Variants in EPCIP observed in about 807,000 individuals in gnomAD.
EPCIP encodes the protein exosomal polycystin-1-interacting protein.
At chr21:32,794,567 G>C in the EPCIP span, 1 of 749,596 alleles carries the variant, frequency 1.3e-6, no homozygotes, top group East Asian at 2.7e-5. Context: ...AAAAAAACAA[G>C]TTGTAAACAT....
At chr21:32,810,541 G>A in the EPCIP span, 9 of 466,376 alleles carry the variant, frequency 1.9e-5, no homozygotes, top group Non-Finnish European at 2.6e-5. Flanking sequence ...GATTACAGGC[G>A]TGAACCACCA....
the EPCIP span, among the ~76,000 whole-genome samples, chr21:32,809,199 G>GTA: frequency 1.3e-5 from 2 of 151,218 alleles, no homozygotes; most frequent in Non-Finnish European, 3.0e-5. Context: ...GTGTGTGTGT[G>GTA]TGTGTGTGTG....
chr21:32,810,753 GC>G, the EPCIP span: 3 of 452,636 alleles, frequency 6.6e-6, no homozygotes, highest in Non-Finnish European at 1.4e-5. Flanking sequence ...GTATCTGATA[GC>G]TCTTTCTGAA....
the EPCIP span, among the ~76,000 whole-genome samples, chr21:32,801,465 G>T: frequency 0.72 from 109,453 of 152,084 alleles, 40,178 homozygotes; most frequent in East Asian, 0.91. Context: ...GACTTGAAGT[G>T]TGCCCAGAGA....
the EPCIP span, among the ~76,000 whole-genome samples, chr21:32,800,718 A>G: frequency 6.6e-6 from 1 of 152,078 alleles, no homozygotes; most frequent in Non-Finnish European, 1.5e-5. Flanking sequence ...CAGGAGGCTG[A>G]GGCAGGAGAA....
At chr21:32,812,390 A>G in the EPCIP span, among the ~76,000 whole-genome samples, 1 of 152,216 alleles carries the variant, frequency 6.6e-6, no homozygotes, top group East Asian at 1.9e-4. Context: ...CCACAGACAC[A>G]GACACAAGCC....
At chr21:32,795,947 TC>T in the EPCIP span, among the ~76,000 whole-genome samples, 3 of 151,726 alleles carry the variant, frequency 2.0e-5, no homozygotes, top group Middle Eastern at 0.01. Flanking sequence ...CTTCCTTCCT[TC>T]ATTTCTTCAT....
At chr21:32,801,595 C>A in the EPCIP span, among the ~76,000 whole-genome samples, 6 of 152,136 alleles carry the variant, frequency 3.9e-5, no homozygotes, top group African/African-American at 1.4e-4. Flanking sequence ...AATTCCAGCA[C>A]TTTGGGAAGC....
At chr21:32,801,703 C>T in the EPCIP span, among the ~76,000 whole-genome samples, 9 of 152,058 alleles carry the variant, frequency 5.9e-5, no homozygotes, top group African/African-American at 1.2e-4. Context: ...ATTAGCTGGG[C>T]GTGGTGGTGG....
chr21:32,805,930 C>T, the EPCIP span, among the ~76,000 whole-genome samples: 1 of 152,096 alleles, frequency 6.6e-6, no homozygotes, highest in Non-Finnish European at 1.5e-5. Flanking sequence ...CATCTGGCTA[C>T]GTCTTATGAG....
At chr21:32,811,967 T>TG in the EPCIP span, among the ~76,000 whole-genome samples, 1 of 152,210 alleles carries the variant, frequency 6.6e-6, no homozygotes, top group Non-Finnish European at 1.5e-5. Flanking sequence ...AGAATGCCCT[T>TG]GCCAGATGCA....
the EPCIP span, among the ~76,000 whole-genome samples, chr21:32,810,115 A>G: frequency 6.6e-6 from 1 of 152,038 alleles, no homozygotes; most frequent in African/African-American, 2.4e-5. Flanking sequence ...ACTTCCCACA[A>G]GCATCTGACT....
chr21:32,803,862 G>A, the EPCIP span, among the ~76,000 whole-genome samples: 4 of 152,110 alleles, frequency 2.6e-5, no homozygotes, highest in African/African-American at 4.8e-5. Flanking sequence ...TGAAGTCACC[G>A]TTCTGTGCAG....
chr21:32,811,858 A>C, the EPCIP span, among the ~76,000 whole-genome samples: 1 of 152,216 alleles, frequency 6.6e-6, no homozygotes, highest in Non-Finnish European at 1.5e-5. Context: ...AATAGGTTTC[A>C]AATAAAAGGA....
the EPCIP span, among the ~76,000 whole-genome samples, chr21:32,802,139 G>T: frequency 0.034 from 5,125 of 152,106 alleles, 167 homozygotes; most frequent in South Asian, 0.14. Context: ...CAGTTACTTG[G>T]TCTCCAAACT....
At chr21:32,799,472 G>A in the EPCIP span, among the ~76,000 whole-genome samples, 1 of 152,156 alleles carries the variant, frequency 6.6e-6, no homozygotes, top group Non-Finnish European at 1.5e-5. Flanking sequence ...TGGCTTCACA[G>A]TGTGTTCCTT....
chr21:32,794,320 G>A, the EPCIP span: 7 of 1,614,164 alleles, frequency 4.3e-6, no homozygotes, highest in African/African-American at 9.3e-5. Context: ...TTTCCCTTGT[G>A]AAGATGAGCG....
chr21:32,791,448 T>A, the EPCIP span: 1 of 152,210 alleles, frequency 6.6e-6, no homozygotes, highest in South Asian at 2.1e-4. Context: ...CAGTAACTAA[T>A]GACAATGAAT....
At chr21:32,800,516 A>G in the EPCIP span, among the ~76,000 whole-genome samples, 2 of 152,216 alleles carry the variant, frequency 1.3e-5, no homozygotes, top group African/African-American at 2.4e-5. Flanking sequence ...AGGCTCAAAT[A>G]TTTAATAAGT....
Sources: gnomAD v4.1 joint callset for allele counts (sites outside exome capture counted in the v4.1 genomes callset) on GRCh38, gnomAD v4.1.1 for gene constraint, MANE v1.5 for transcripts, NCBI Gene and HGNC (gene_info 2026-07-23, HGNC 2026-07-21) for gene names.